Variants in ALDH1A2 observed in about 807,000 individuals in gnomAD.
ALDH1A2 encodes the protein retinal dehydrogenase 2.
ALDH1A2 carries 27 observed loss-of-function variants against 60.3 expected under a neutral mutation model. The ratio of observed to expected loss-of-function variants is 0.45; its 90% CI spans 0.33 to 0.62. ALDH1A2 has a LOEUF of 0.62. Ranked by LOEUF, ALDH1A2 falls within the 20% of genes least tolerant of loss-of-function variation. The pLI is 0.02. For synonymous variants in ALDH1A2, 289 were observed against 232.4 expected, an observed-to-expected ratio of 1.24 and a Z score of -2.21; for missense variants, 581 against 643.8, an observed-to-expected ratio of 0.90 and a Z score of 1.06.
At chr15:58,038,348 T>C (rs1896428822) in intron 1 of ALDH1A2, among the ~76,000 whole-genome samples, 1 of 151,738 alleles carries the variant, frequency 6.6e-6, no homozygotes, top group African/African-American at 2.4e-5. Context: ...AGGATATTTC[T>C]GTGCCAGTCA....
At chr15:58,042,273 T>G (rs545049128) in intron 1 of ALDH1A2, among the ~76,000 whole-genome samples, 2 of 152,094 alleles carry the variant, frequency 1.3e-5, no homozygotes, top group East Asian at 3.9e-4. Flanking sequence ...AATCCCTTCA[T>G]ACAGAGCTAA....
intron 1 of ALDH1A2, among the ~76,000 whole-genome samples, chr15:58,017,500 C>G (rs1199586816): frequency 6.6e-6 from 1 of 152,140 alleles, no homozygotes; most frequent in African/African-American, 2.4e-5. Context: ...CATGAACCCT[C>G]AAATTTCTCC....
At chr15:57,997,627 T>C (rs878882631) in intron 4 of ALDH1A2, among the ~76,000 whole-genome samples, 2 of 152,026 alleles carry the variant, frequency 1.3e-5, no homozygotes, top group Admixed American at 6.6e-5. Context: ...ACACATTTTA[T>C]GATGCTTAGA....
At chr15:57,959,598 G>A (rs1409257961) in intron 12 of ALDH1A2, among the ~76,000 whole-genome samples, 1 of 152,148 alleles carries the variant, frequency 6.6e-6, no homozygotes. Context: ...TATTCTGTTG[G>A]ATGTTTGCAT....
chr15:58,058,066 C>T (rs1896940109), intron 1 of ALDH1A2: 1 of 1,534,006 alleles, frequency 6.5e-7, no homozygotes, highest in African/African-American at 1.4e-5. Flanking sequence ...GATTCTTCAT[C>T]TTCTCCCAAA....
chr15:57,968,750 C>T (rs549121669), intron 7 of ALDH1A2, among the ~76,000 whole-genome samples: 1 of 152,290 alleles, frequency 6.6e-6, no homozygotes, highest in South Asian at 2.1e-4. Context: ...ACACTGCTGG[C>T]CCAGCTGGCA....
chr15:58,037,687 C>G (rs539144122), intron 1 of ALDH1A2, among the ~76,000 whole-genome samples: 3 of 151,592 alleles, frequency 2.0e-5, no homozygotes, highest in Admixed American at 6.6e-5. Flanking sequence ...TAGCTAGTAT[C>G]CCACATAATT....
At chr15:57,981,911 C>T (rs866690104) in intron 7 of ALDH1A2, among the ~76,000 whole-genome samples, 2 of 152,118 alleles carry the variant, frequency 1.3e-5, no homozygotes. Flanking sequence ...TCTTACAGTT[C>T]GAGAGGCTGG....
rs148117553 is a variant in ALDH1A2 at position 58,021,295 on chromosome 15, G to C, written c.118-7014C>G. Among the ~76,000 whole-genome samples the C allele has an allele frequency of 2.4e-3, 364 of 152,250 alleles. 2 individuals are homozygous for C. Among genetic ancestry groups the C allele is most frequent in the African/African-American group, 8.5e-3 (355 of 41,560 alleles). Reference sequence around the variant, plus strand: ...CTTAGAAAAACCAGAACAGTATATAGACAGTCACACTTCAAATATATTATC... The same window carrying C: ...CTTAGAAAAACCAGAACAGTATATACACAGTCACACTTCAAATATATTATC... On this transcript the variant is annotated intron_variant, in intron 1 of 12. Transcript: ENST00000249750.
rs140362936 is a variant in ALDH1A2 at position 57,999,467 on chromosome 15, T to C, written c.494-4328A>G. Among the ~76,000 whole-genome samples the C allele has an allele frequency of 1.8e-3, 271 of 151,702 alleles. 1 individual carries two copies. Among genetic ancestry groups the C allele is most frequent in the African/African-American group, 6.4e-3 (264 of 41,348 alleles). On this transcript the variant is annotated intron_variant, in intron 4 of 12. Coordinates refer to ENST00000249750, the MANE Select transcript of ALDH1A2 (RefSeq NM_003888.4). ...TCATCATCAATGATCATTAGAGAAA[T>C]GCAATCTAAACCACAATGAGAAACC...
chr15:58,014,321 T>C, intron 1 of ALDH1A2, 40 bp from the exon 2 acceptor site: 1 of 1,510,172 alleles, frequency 6.6e-7, no homozygotes, highest in South Asian at 1.1e-5. Context: ...GTGACACAGG[T>C]GATAAGCAGC....
chr15:58,007,508 T>C (rs1033798125), intron 4 of ALDH1A2, among the ~76,000 whole-genome samples: 1 of 152,054 alleles, frequency 6.6e-6, no homozygotes, highest in East Asian at 1.9e-4. Flanking sequence ...TTACTAGCCA[T>C]GTGACCTTCT....
intron 1 of ALDH1A2, among the ~76,000 whole-genome samples, chr15:58,028,527 A>C (rs1014080724): frequency 4.6e-5 from 7 of 152,352 alleles, no homozygotes; most frequent in African/African-American, 1.7e-4. Context: ...CATCATAATG[A>C]CAGGATCAAA....
intron 7 of ALDH1A2, among the ~76,000 whole-genome samples, chr15:57,984,012 G>A (rs1437235779): frequency 6.6e-6 from 1 of 152,234 alleles, no homozygotes; most frequent in Admixed American, 6.5e-5. Context: ...TAAGCATGCT[G>A]CACTGAGAAA....
Position 57,954,934 on chromosome 15 carries a change from T to A in ALDH1A2, c.*263A>T. On this transcript the variant is annotated 3_prime_UTR_variant, in exon 13 of 13. Transcript: ENST00000249750. ...CTGTGCTCCAGAAGGAGATACTGGA[T>A]GTGTCTGCTAGCTCCTCCTCCTCCC... 1.8e-6 allele frequency: 1 copy of A among 553,814 alleles called. No homozygotes were observed. The highest frequency in any genetic ancestry group is 3.2e-6 in the Non-Finnish European group (1 of 307,762). 34.3% of individuals were successfully genotyped at this position (553,814 alleles called of 1,614,324 possible).
At chr15:57,960,211 C>T (rs1359449857) in intron 12 of ALDH1A2, among the ~76,000 whole-genome samples, 2 of 152,178 alleles carry the variant, frequency 1.3e-5, no homozygotes, top group Non-Finnish European at 2.9e-5. Flanking sequence ...CCTGCATCTT[C>T]CTCCATAGAC....
intron 7 of ALDH1A2, among the ~76,000 whole-genome samples, chr15:57,984,221 T>C (rs889219700): frequency 6.6e-6 from 1 of 152,218 alleles, no homozygotes; most frequent in Non-Finnish European, 1.5e-5. Flanking sequence ...TAGCCACACT[T>C]TGCTCAATGC....
chr15:57,973,916 C>G lies in ALDH1A2; in HGVS notation c.799-8089G>C, dbSNP rs142330153. 8.5e-5 allele frequency among the ~76,000 whole-genome samples: 13 copies of G among 152,304 alleles called. No homozygotes were observed. In the East Asian group the frequency reaches 2.5e-3, roughly 29 times the overall value. On this transcript the variant is annotated intron_variant, in intron 7 of 12. Coordinates refer to ENST00000249750, the MANE Select transcript of ALDH1A2 (RefSeq NM_003888.4). ...AACTATTCCTAAAAGCAAAACAATT[C>G]AAAGACCCACCTTCCACCCTATTCT...
chr15:58,063,697 T>C (rs8027466), intron 1 of ALDH1A2, among the ~76,000 whole-genome samples: 3,034 of 152,248 alleles, frequency 0.02, 103 homozygotes, highest in African/African-American at 0.069. Context: ...TTTAGATTAG[T>C]GTTACTCAGT....
Sources: gnomAD v4.1 joint callset for allele counts (sites outside exome capture counted in the v4.1 genomes callset) on GRCh38, gnomAD v4.1.1 for gene constraint, MANE v1.5 for transcripts, NCBI Gene and HGNC (gene_info 2026-07-23, HGNC 2026-07-21) for gene names.